The following JARID2 variants were observed in gnomAD, a reference collection of about 807,000 sequenced individuals.
The protein encoded by JARID2 is protein Jumonji.
A neutral mutation model predicts 125.6 loss-of-function variants in JARID2; 21 were observed. The observed-to-expected ratio is 0.17, with a 90% CI of 0.12 to 0.24. The LOEUF (loss-of-function observed/expected upper bound fraction) is 0.24, where lower values mean the gene tolerates loss of function less well. Ranked by LOEUF, JARID2 falls within the 10% of genes least tolerant of loss-of-function variation. The pLI, the probability that JARID2 is intolerant of heterozygous loss-of-function variation, is 1.00. For synonymous variants in JARID2, 736 were observed against 661.6 expected (o/e 1.11, Z -1.73); for missense variants, 1,303 against 1,639.6 (o/e 0.79, Z 3.55).
At chr6:15,512,843 T>G (rs1771344289) in intron 14 of JARID2, 72 bp from the exon 15 acceptor site, 4 of 1,437,838 alleles carry the variant, frequency 2.8e-6, no homozygotes, top group Non-Finnish European at 3.8e-6. Context: ...GCCTGCCCCC[T>G]CCACCAAGAA....
chr6:15,326,315 C>G (rs941267660), intron 1 of JARID2, among the ~76,000 whole-genome samples: 1 of 152,166 alleles, frequency 6.6e-6, no homozygotes, highest in South Asian at 2.1e-4. Flanking sequence ...ATGCAATACT[C>G]TCGCCTCAGC....
At chr6:15,357,715 G>C (rs1763653394) in intron 1 of JARID2, among the ~76,000 whole-genome samples, 1 of 152,080 alleles carries the variant, frequency 6.6e-6, no homozygotes, top group Non-Finnish European at 1.5e-5. Context: ...TTAAACTGTA[G>C]ATGGTGGGAT....
intron 4 of JARID2, among the ~76,000 whole-genome samples, chr6:15,464,900 T>C (rs746594178): frequency 6.6e-6 from 1 of 152,114 alleles, no homozygotes. Context: ...GTAGAAGAAA[T>C]TGTGTTCTTT....
chr6:15,254,077 T>G (rs1759560528), intron 1 of JARID2, among the ~76,000 whole-genome samples: 1 of 152,216 alleles, frequency 6.6e-6, no homozygotes, highest in African/African-American at 2.4e-5. Context: ...AGGGCAGTTT[T>G]GTCAGAAGTG....
intron 4 of JARID2, among the ~76,000 whole-genome samples, chr6:15,467,686 A>T (rs777234886): frequency 6.6e-6 from 1 of 152,118 alleles, no homozygotes; most frequent in African/African-American, 2.4e-5. Flanking sequence ...CCCACAAAAA[A>T]TTAGCTGGGT....
Position 15,521,736 on chromosome 6 carries a change from T to G in JARID2, c.*1485T>G, listed in dbSNP as rs564595308. 10 of 152,350 alleles carry G rather than the reference T, an allele frequency of 6.6e-5. No homozygotes were observed. Among genetic ancestry groups the G allele is most frequent in the East Asian group, 1.9e-4 (1 of 5,184 alleles). The allele number at this position is 152,350 out of a possible 1,614,324, so 9.4% of individuals were successfully genotyped here. ...GCCAGGAACGTCCTATGATCCACTT[T>G]GTTGGTTGTTGTTGCAGAAGACTGA... On this transcript the variant is annotated 3_prime_UTR_variant, in exon 18 of 18. Coordinates refer to ENST00000341776, the MANE Select transcript of JARID2 (RefSeq NM_004973.4).
intron 7 of JARID2, among the ~76,000 whole-genome samples, chr6:15,500,129 C>T (rs1026199095): frequency 1.4e-4 from 22 of 152,166 alleles, no homozygotes; most frequent in African/African-American, 4.8e-4. Flanking sequence ...TCTCCATTCC[C>T]ATCTAGAAAA....
chr6:15,518,379 G>T (rs2127775109), intron 17 of JARID2, among the ~76,000 whole-genome samples: 1 of 152,280 alleles, frequency 6.6e-6, no homozygotes, highest in East Asian at 1.9e-4. Context: ...GAGACCTAAT[G>T]GTTGGTTTTG....
At chr6:15,417,339 A>G (rs897660655) in intron 3 of JARID2, among the ~76,000 whole-genome samples, 2 of 152,184 alleles carry the variant, frequency 1.3e-5, no homozygotes, top group Non-Finnish European at 2.9e-5. Flanking sequence ...TGGGCAGGTT[A>G]TATAATATGT....
chr6:15,343,192 G>GCAC lies in JARID2; in HGVS notation c.46-30924_46-30922dup, dbSNP rs543434497. Among the ~76,000 whole-genome samples the GCAC allele has an allele frequency of 2.2e-3, 286 of 127,598 alleles. 1 individual carries two copies. Among genetic ancestry groups the GCAC allele is most frequent in the Middle Eastern group, 6.6e-3 (1 of 152 alleles). The allele number at this position is 127,598 out of a possible 152,430, so 83.7% of individuals were successfully genotyped here. ...TGCAGTGAGCCGAGATCGTGCCATTGCACTCCAGCCTGGGCGACAAGAACG... is the reference window on the plus strand; with the variant it reads ...TGCAGTGAGCCGAGATCGTGCCATTGCACCACTCCAGCCTGGGCGACAAGAACG... On this transcript the variant is annotated intron_variant, in intron 1 of 17. Transcript: ENST00000341776.
intron 4 of JARID2, among the ~76,000 whole-genome samples, chr6:15,454,548 G>A (rs146781488): frequency 0.011 from 1,728 of 152,196 alleles, 16 homozygotes; most frequent in Middle Eastern, 0.065. Flanking sequence ...CACAGTCATG[G>A]CTCTAAGCAG....
chr6:15,505,725 GCC>G (rs1370055355), intron 9 of JARID2, among the ~76,000 whole-genome samples: 1 of 152,268 alleles, frequency 6.6e-6, no homozygotes, highest in Non-Finnish European at 1.5e-5. Flanking sequence ...CCACGCAGTG[GCC>G]TGACACCCGG....
chr6:15,495,471 C>G (rs564402697), intron 6 of JARID2, among the ~76,000 whole-genome samples: 1 of 152,186 alleles, frequency 6.6e-6, no homozygotes. Context: ...GTCCAGGGCT[C>G]GTCTCCACAA....
intron 2 of JARID2, among the ~76,000 whole-genome samples, chr6:15,385,000 C>G (rs1764731612): frequency 6.6e-6 from 1 of 152,194 alleles, no homozygotes; most frequent in South Asian, 2.1e-4. Context: ...CAGCTTCTGC[C>G]TTTGTATTCC....
chr6:15,425,748 A>G (rs953714469), intron 3 of JARID2, among the ~76,000 whole-genome samples: 11 of 152,226 alleles, frequency 7.2e-5, no homozygotes, highest in Admixed American at 3.3e-4. Context: ...AGTGTTAAGC[A>G]TTCTGTAATA....
intron 3 of JARID2, among the ~76,000 whole-genome samples, chr6:15,417,624 G>T (rs182072927): frequency 6.6e-6 from 1 of 152,256 alleles, no homozygotes; most frequent in East Asian, 1.9e-4. Context: ...TGAGCCTGTA[G>T]TCCCAGTTAC....
At chr6:15,423,941 T>A (rs1766611467) in intron 3 of JARID2, among the ~76,000 whole-genome samples, 1 of 152,064 alleles carries the variant, frequency 6.6e-6, no homozygotes, top group African/African-American at 2.4e-5. Context: ...AGACACCTCC[T>A]CTCCCGGAGG....
chr6:15,301,556 A>G (rs946872901), intron 1 of JARID2, among the ~76,000 whole-genome samples: 37 of 152,348 alleles, frequency 2.4e-4, no homozygotes, highest in African/African-American at 8.4e-4. Flanking sequence ...CGAGTATTAC[A>G]TGAAATGAGT....
At chr6:15,480,201 A>G (rs2127703435) in intron 5 of JARID2, among the ~76,000 whole-genome samples, 1 of 152,060 alleles carries the variant, frequency 6.6e-6, no homozygotes, top group South Asian at 2.1e-4. Context: ...TGTGGACAGG[A>G]AGAAGGTATT....
Sources: gnomAD v4.1 joint callset for allele counts (sites outside exome capture counted in the v4.1 genomes callset) on GRCh38, gnomAD v4.1.1 for gene constraint, MANE v1.5 for transcripts, NCBI Gene and HGNC (gene_info 2026-07-23, HGNC 2026-07-21) for gene names.